STRADA: variants seen among roughly 807,000 people sequenced by gnomAD.
STRADA encodes STE20-related kinase adapter protein alpha.
Under a neutral mutation model 55.0 loss-of-function variants are expected in STRADA, and 26 were observed. The observed-to-expected ratio is 0.47, with a 90% CI of 0.35 to 0.66. STRADA has a LOEUF of 0.66. Ranked by LOEUF, STRADA falls within the 30% of genes least tolerant of loss-of-function variation. The pLI, the probability that STRADA is intolerant of heterozygous loss-of-function variation, is 0.01. For synonymous variants in STRADA, 197 were observed against 210.9 expected (o/e 0.93, Z 0.57); for missense variants, 443 against 549.7 (o/e 0.81, Z 1.94).
At chr17:63,707,581 A>G (rs1274369639) in intron 8 of STRADA, 163 bp from the exon 9 acceptor site, 8 of 673,514 alleles carry the variant, frequency 1.2e-5, no homozygotes, top group Non-Finnish European at 1.5e-5. Context: ...TTTCATTGAG[A>G]TAAGAGTCTC....
intron 10 of STRADA, chr17:63,704,847 G>T (rs1257656588): frequency 2.0e-6 from 3 of 1,535,788 alleles, no homozygotes; most frequent in Non-Finnish European, 2.6e-6. Context: ...GGAAAGCAGG[G>T]CTCACAGTTT....
chr17:63,722,893 G>T (rs1231275717), intron 4 of STRADA, among the ~76,000 whole-genome samples: 2 of 151,888 alleles, frequency 1.3e-5, no homozygotes, highest in East Asian at 3.9e-4. Context: ...TATTATCTAG[G>T]CAGAGATCTG....
chr17:63,731,238 T>C (rs1055264686), intron 1 of STRADA, among the ~76,000 whole-genome samples: 3 of 145,626 alleles, frequency 2.1e-5, no homozygotes, highest in Non-Finnish European at 4.5e-5. Context: ...TCACTGCACC[T>C]GGCCCTGATA....
intron 1 of STRADA, among the ~76,000 whole-genome samples, chr17:63,731,030 G>A (rs569553767): frequency 6.6e-6 from 1 of 151,846 alleles, no homozygotes; most frequent in Non-Finnish European, 1.5e-5. Flanking sequence ...TGCAACCTCC[G>A]ACTCCCAGGT....
chr17:63,730,885 G>A (rs2037992563), intron 1 of STRADA, among the ~76,000 whole-genome samples: 1 of 151,636 alleles, frequency 6.6e-6, no homozygotes, highest in Admixed American at 6.6e-5. Flanking sequence ...TCAAGCAATT[G>A]TCTGCCTCAG....
intron 1 of STRADA, among the ~76,000 whole-genome samples, chr17:63,738,289 C>T (rs1242714655): frequency 2.1e-5 from 3 of 140,638 alleles, no homozygotes; most frequent in South Asian, 2.2e-4. Context: ...TGTAGTGAGC[C>T]GAGAGTACAC....
rs1173944088 is a variant in STRADA at position 63,713,456 on chromosome 17, G to T, written c.298C>A (p.Arg100=). ...GAACAAGCTTCTAGGTTAATCCTCC[G>T]TACAGTCACGTACTCTCCTGTTGGT... The part of the protein sequence containing the change: ...YKPTGEYVTV[R]RINLEACSNE... Residue 100 remains arginine (R), a synonymous_variant, in exon 6 of 13, where the codon CGG becomes AGG. Coordinates refer to ENST00000336174, the MANE Select transcript of STRADA (RefSeq NM_001003787.4). 1.2e-6 allele frequency: 2 copies of T among 1,613,912 alleles called. No homozygotes were observed. Among genetic ancestry groups the T allele is most frequent in the African/African-American group, 1.3e-5 (1 of 74,882 alleles).
At chr17:63,740,059 T>C (rs535971540) in intron 1 of STRADA, among the ~76,000 whole-genome samples, 139 of 131,440 alleles carry the variant, frequency 1.1e-3, no homozygotes, top group Non-Finnish European at 1.7e-3. Flanking sequence ...TGGGCCACGG[T>C]ACCCAGCCTA....
intron 4 of STRADA, chr17:63,715,617 G>A (rs2036819874): frequency 6.6e-6 from 1 of 152,102 alleles, no homozygotes; most frequent in Non-Finnish European, 1.5e-5. Context: ...GAGATTATTG[G>A]CTGTATGTGG....
intron 1 of STRADA, among the ~76,000 whole-genome samples, chr17:63,740,147 T>TACACACACACACAC (rs57585655): frequency 4.8e-4 from 32 of 66,994 alleles, no homozygotes; most frequent in African/African-American, 2.0e-3. Flanking sequence ...TATATATATA[T>TACACACACACACAC]ACACACACAC....
chr17:63,736,066 G>A (rs955392798), intron 1 of STRADA, among the ~76,000 whole-genome samples: 4 of 151,884 alleles, frequency 2.6e-5, no homozygotes, highest in Admixed American at 1.3e-4. Context: ...CTCAGCCTCC[G>A]GAGTAGCTGG....
intron 2 of STRADA, 194 bp from the exon 3 acceptor site, chr17:63,726,889 G>C (rs2037699365): frequency 1.7e-6 from 1 of 589,732 alleles, no homozygotes; most frequent in Non-Finnish European, 3.0e-6. Flanking sequence ...ACTCCTCTTT[G>C]CCTATTTGAT....
At chr17:63,704,119 T>A in intron 11 of STRADA, 72 bp from the exon 12 acceptor site, 1 of 1,583,246 alleles carries the variant, frequency 6.3e-7, no homozygotes, top group Non-Finnish European at 8.6e-7. Context: ...CTGCCACTTA[T>A]GCCTCAGCCT....
chr17:63,708,522 T>C (rs1267446604), intron 8 of STRADA, among the ~76,000 whole-genome samples: 2 of 151,750 alleles, frequency 1.3e-5, no homozygotes, highest in East Asian at 1.9e-4. Flanking sequence ...CTACATAAAA[T>C]AGCATGACTC....
At chr17:63,704,620 T>TGGGG in intron 10 of STRADA, 38 bp from the exon 11 acceptor site, 1 of 1,212,834 alleles carries the variant, frequency 8.2e-7, no homozygotes, top group Non-Finnish European at 1.1e-6. Flanking sequence ...CTGTAGCGGG[T>TGGGG]GGGGGGGGGG....
intron 12 of STRADA, 31 bp downstream of exon 12, chr17:63,703,974 A>AACCAGG: frequency 6.2e-7 from 1 of 1,613,444 alleles, no homozygotes; most frequent in African/African-American, 1.3e-5. Context: ...CCAGAACTAG[A>AACCAGG]ACCAGAACCA....
At chr17:63,719,109 C>T (rs911249591) in intron 4 of STRADA, 3 of 152,174 alleles carry the variant, frequency 2.0e-5, no homozygotes, top group African/African-American at 7.2e-5. Context: ...TTTTCATTCC[C>T]ACGGGCTAAA....
chr17:63,720,027 CTT>C (rs923865178), intron 4 of STRADA, among the ~76,000 whole-genome samples: 4 of 143,718 alleles, frequency 2.8e-5, no homozygotes, highest in Non-Finnish European at 4.6e-5. Flanking sequence ...AATTCTTTTT[CTT>C]TTTTTTTTTT....
Position 63,723,286 on chromosome 17 carries a change from G to A in STRADA, c.123+12C>T. The A allele has an allele frequency of 6.2e-7, 1 of 1,614,202 alleles. No individual in the cohort carries two copies. The highest frequency in any genetic ancestry group is 8.5e-7 in the Non-Finnish European group (1 of 1,180,030). ...CAACAGCCATAGTGCTAGGGCCTAGGAAGCCACTTACTTTTCTCCGAGTGT... is the reference window on the plus strand; with the variant it reads ...CAACAGCCATAGTGCTAGGGCCTAGAAAGCCACTTACTTTTCTCCGAGTGT... On this transcript the variant is annotated intron_variant, in intron 4 of 12. Transcript: ENST00000336174.
Sources: allele counts gnomAD v4.1 joint callset (sites outside exome capture counted in the v4.1 genomes callset), GRCh38; gene constraint gnomAD v4.1.1; transcripts MANE v1.5; gene names NCBI Gene and HGNC (gene_info 2026-07-23, HGNC 2026-07-21).